Variants in SGCD observed in about 807,000 individuals in gnomAD.
SGCD encodes the protein sarcoglycan delta.
In SGCD, 18 loss-of-function variants were observed where a neutral mutation model predicts 36.6. The ratio of observed to expected loss-of-function variants is 0.49; its 90% CI spans 0.34 to 0.73. The LOEUF is 0.73. Ranked by LOEUF, SGCD falls within the 30% of genes least tolerant of loss-of-function variation. The pLI is 0.01. For synonymous variants in SGCD, 133 were observed against 130.6 expected (o/e 1.02, Z -0.12); for missense variants, 387 against 346.7 (o/e 1.12, Z -0.92).
At chr5:156,713,547 C>T (rs1447712013) in intron 7 of SGCD, among the ~76,000 whole-genome samples, 1 of 152,102 alleles carries the variant, frequency 6.6e-6, no homozygotes, top group Non-Finnish European at 1.5e-5. Flanking sequence ...TCTGTCAGAA[C>T]CTTATATTGT....
At chr5:156,546,339 T>C (rs1758569833) in intron 4 of SGCD, among the ~76,000 whole-genome samples, 2 of 152,220 alleles carry the variant, frequency 1.3e-5, no homozygotes. Flanking sequence ...TCTTCTGACT[T>C]GTTTCTCTAT....
chr5:156,446,084 C>T (rs146596474), intron 3 of SGCD, among the ~76,000 whole-genome samples: 8 of 152,038 alleles, frequency 5.3e-5, no homozygotes, highest in African/African-American at 9.7e-5. Flanking sequence ...GTGGTTGGTG[C>T]GAAAGCCACT....
chr5:155,747,172 A>C, the SGCD span, among the ~76,000 whole-genome samples: 1 of 152,210 alleles, frequency 6.6e-6, no homozygotes, highest in Non-Finnish European at 1.5e-5. Context: ...ATAAGGTAAC[A>C]CAACATATTC....
At chr5:155,886,865 A>G (rs1472905545) in intron 1 of SGCD, among the ~76,000 whole-genome samples, 1 of 152,198 alleles carries the variant, frequency 6.6e-6, no homozygotes. Context: ...ATGTTCCCTC[A>G]GAAGGGGCTG....
At chr5:156,592,928 C>G (rs1040249624) in intron 5 of SGCD, among the ~76,000 whole-genome samples, 1 of 152,152 alleles carries the variant, frequency 6.6e-6, no homozygotes. Context: ...AATAAGTACT[C>G]ATCATGCATT....
chr5:156,765,252 A>G lies in SGCD; in HGVS notation c.*5862A>G, dbSNP rs1357507364. On this transcript the variant is annotated 3_prime_UTR_variant, in exon 9 of 9. Transcript: ENST00000337851. ...CAGAGATAGCTCAGGATTTCATAAA[A>G]CGAGAAACTCCAAACTGGTCTATTA... The G allele has an allele frequency of 1.3e-5, 2 of 152,196 alleles. No homozygotes were observed. The highest frequency in any genetic ancestry group is 2.9e-5 in the Non-Finnish European group (2 of 68,042). 9.4% of individuals were successfully genotyped at this position (152,196 alleles called of 1,614,324 possible).
intron 7 of SGCD, among the ~76,000 whole-genome samples, chr5:156,738,866 G>A (rs887620664): frequency 1.3e-5 from 2 of 152,158 alleles, no homozygotes; most frequent in African/African-American, 2.4e-5. Flanking sequence ...AAATAGCTCA[G>A]CCTCAAAAAG....
At chr5:156,713,548 C>CT (rs1755093972) in intron 7 of SGCD, among the ~76,000 whole-genome samples, 1 of 152,232 alleles carries the variant, frequency 6.6e-6, no homozygotes. Flanking sequence ...CTGTCAGAAC[C>CT]TTATATTGTC....
At chr5:156,093,033 G>A (rs1761284636) in intron 1 of SGCD, among the ~76,000 whole-genome samples, 1 of 152,246 alleles carries the variant, frequency 6.6e-6, no homozygotes, top group South Asian at 2.1e-4. Context: ...AATTGGCTCG[G>A]AGAGATTTAA....
At chr5:155,961,500 T>C (rs1757789868) in intron 1 of SGCD, among the ~76,000 whole-genome samples, 1 of 152,118 alleles carries the variant, frequency 6.6e-6, no homozygotes, top group South Asian at 2.1e-4. Context: ...TGGCATTTAA[T>C]TGGTCGGCAG....
chr5:156,271,085 G>A (rs558830331), intron 3 of SGCD, among the ~76,000 whole-genome samples: 4 of 152,258 alleles, frequency 2.6e-5, no homozygotes, highest in Non-Finnish European at 4.4e-5. Context: ...TTGGAAAGAC[G>A]GAGATTTTCT....
intron 3 of SGCD, among the ~76,000 whole-genome samples, chr5:156,470,341 G>A (rs1159227316): frequency 6.6e-6 from 1 of 151,880 alleles, no homozygotes; most frequent in Non-Finnish European, 1.5e-5. Flanking sequence ...AGTTGCTGAT[G>A]TTTTGAGTTT....
Position 156,735,270 on chromosome 5 carries a change from C to T in SGCD, c.576-22311C>T, listed in dbSNP as rs141475895. Among the ~76,000 whole-genome samples the T allele has an allele frequency of 3.9e-5, 6 of 152,234 alleles. No individual in the cohort carries two copies. In the East Asian group the frequency reaches 1.2e-3, roughly 29 times the overall value. Reference sequence around the variant, plus strand: ...CAGTGATGAGGAATGGGGTCAGGGACCTTCTGTGCTGGGGTACTACTTTCA... The same window carrying T: ...CAGTGATGAGGAATGGGGTCAGGGATCTTCTGTGCTGGGGTACTACTTTCA... On this transcript the variant is annotated intron_variant, in intron 7 of 8. Transcript: ENST00000337851.
At chr5:155,958,730 C>G (rs147437005) in intron 1 of SGCD, among the ~76,000 whole-genome samples, 1 of 152,272 alleles carries the variant, frequency 6.6e-6, no homozygotes, top group East Asian at 1.9e-4. Flanking sequence ...CCAAGCTTCG[C>G]TTTCTTCATC....
chr5:155,950,540 G>A (rs1757528380), intron 1 of SGCD, among the ~76,000 whole-genome samples: 1 of 152,154 alleles, frequency 6.6e-6, no homozygotes, highest in Admixed American at 6.5e-5. Flanking sequence ...CCTAAAGTTA[G>A]GGGTTGGATG....
intron 3 of SGCD, among the ~76,000 whole-genome samples, chr5:156,378,429 T>G (rs140391032): frequency 1.6e-4 from 24 of 152,298 alleles, no homozygotes; most frequent in African/African-American, 5.3e-4. Context: ...TTCACAGCAG[T>G]GTGAATGTTC....
intron 4 of SGCD, among the ~76,000 whole-genome samples, chr5:156,586,694 G>A (rs183908264): frequency 1.3e-3 from 194 of 152,276 alleles, no homozygotes; most frequent in Middle Eastern, 6.8e-3. Flanking sequence ...GCTGTTGAAA[G>A]CTCTTTCAGT....
At chr5:156,406,335 G>C (rs946554172) in intron 3 of SGCD, among the ~76,000 whole-genome samples, 2 of 152,100 alleles carry the variant, frequency 1.3e-5, no homozygotes, top group African/African-American at 4.8e-5. Context: ...GTCACTGCCA[G>C]CTTCTCATCC....
chr5:155,842,101 A>C, the SGCD span, among the ~76,000 whole-genome samples: 6 of 152,184 alleles, frequency 3.9e-5, no homozygotes, highest in African/African-American at 1.4e-4. Context: ...CTAGAAAAGA[A>C]GAGAGGAAAG....
Sources: gnomAD v4.1 joint callset for allele counts (sites outside exome capture counted in the v4.1 genomes callset) on GRCh38, gnomAD v4.1.1 for gene constraint, MANE v1.5 for transcripts, NCBI Gene and HGNC (gene_info 2026-07-23, HGNC 2026-07-21) for gene names.